Variants in KCNH1 observed in about 807,000 individuals in gnomAD.
KCNH1 encodes the protein potassium voltage-gated channel subfamily H member 1.
In KCNH1, 27 loss-of-function variants were observed where a neutral mutation model predicts 69.2. The observed-to-expected ratio is 0.39, with a 90% CI of 0.29 to 0.54. The LOEUF (loss-of-function observed/expected upper bound fraction) is 0.54, where lower values mean the gene tolerates loss of function less well. Among genes scored for constraint, KCNH1 ranks in the 20% least tolerant of loss-of-function variants. The probability of loss-of-function intolerance (pLI) is 0.68; values close to 1 mark genes in which losing one functional copy is unlikely to be tolerated. For missense variants in KCNH1, 798 were observed against 1,261.6 expected, an observed-to-expected ratio of 0.63 and a Z score of 5.57; for synonymous variants, 456 against 487.7, an observed-to-expected ratio of 0.93 and a Z score of 0.86.
Position 210,699,278 on chromosome 1 carries a change from T to C in KCNH1, c.2113-15140A>G, listed in dbSNP as rs543417474. Among the ~76,000 whole-genome samples the C allele has an allele frequency of 1.4e-3, 209 of 152,324 alleles. 2 individuals are homozygous for C. Among genetic ancestry groups the C allele is most frequent in the South Asian group, 3.9e-3 (19 of 4,822 alleles). Reference sequence around the variant, plus strand: ...TTTTGCCTTCCTTTTACTGAGAATGTGGCCCTCATGTGTCACTGATTCAAC... The same window carrying C: ...TTTTGCCTTCCTTTTACTGAGAATGCGGCCCTCATGTGTCACTGATTCAAC... On this transcript the variant is annotated intron_variant, in intron 10 of 10. Coordinates refer to ENST00000271751, the MANE Select transcript of KCNH1 (RefSeq NM_172362.3).
intron 10 of KCNH1, among the ~76,000 whole-genome samples, chr1:210,741,908 C>T (rs747252462): frequency 2.0e-5 from 3 of 152,114 alleles, no homozygotes; most frequent in Non-Finnish European, 4.4e-5. Context: ...GCAGAAGAGC[C>T]CCGCTAGATT....
chr1:210,891,091 G>T (rs535146138), intron 7 of KCNH1, among the ~76,000 whole-genome samples: 4 of 152,156 alleles, frequency 2.6e-5, no homozygotes, highest in Non-Finnish European at 5.9e-5. Flanking sequence ...ACACGCACAC[G>T]TATGTTTATT....
chr1:210,692,061 T>A (rs111348257), intron 10 of KCNH1, among the ~76,000 whole-genome samples: 1,732 of 152,312 alleles, frequency 0.011, 13 homozygotes, highest in South Asian at 0.035. Flanking sequence ...CCACTGGCTC[T>A]CAGCACACTG....
At chr1:211,037,358 G>A (rs1332112772) in intron 5 of KCNH1, among the ~76,000 whole-genome samples, 1 of 152,122 alleles carries the variant, frequency 6.6e-6, no homozygotes, top group Non-Finnish European at 1.5e-5. Flanking sequence ...CACATCTCAT[G>A]CAATGGGAAG....
At chr1:211,091,645 G>T (rs544889387) in intron 3 of KCNH1, among the ~76,000 whole-genome samples, 153 of 152,248 alleles carry the variant, frequency 1.0e-3, no homozygotes, top group African/African-American at 3.4e-3. Flanking sequence ...AGTGCCATAG[G>T]AAGCTCAGTG....
chr1:210,837,699 C>T (rs373616292), intron 7 of KCNH1, among the ~76,000 whole-genome samples: 1 of 152,128 alleles, frequency 6.6e-6, no homozygotes, highest in South Asian at 2.1e-4. Context: ...AGAACTCAAT[C>T]CTTCATCTAG....
At chr1:210,942,377 T>G (rs11119634) in intron 6 of KCNH1, among the ~76,000 whole-genome samples, 6,692 of 152,194 alleles carry the variant, frequency 0.044, 249 homozygotes, top group East Asian at 0.18. Context: ...CTCTCCGAGC[T>G]TCACATCTTC....
chr1:210,738,400 G>A (rs1682929546), intron 10 of KCNH1, among the ~76,000 whole-genome samples: 1 of 152,146 alleles, frequency 6.6e-6, no homozygotes, highest in South Asian at 2.1e-4. Context: ...AGAAAATGTA[G>A]CTAAAGCTGG....
chr1:211,129,109 A>G (rs751413618), intron 1 of KCNH1, among the ~76,000 whole-genome samples: 6 of 152,222 alleles, frequency 3.9e-5, no homozygotes, highest in Non-Finnish European at 7.3e-5. Context: ...AGATTCTGTG[A>G]TTCTATTTCT....
chr1:210,802,332 G>A (rs1302607165), intron 8 of KCNH1, among the ~76,000 whole-genome samples: 3 of 152,180 alleles, frequency 2.0e-5, no homozygotes, highest in Non-Finnish European at 2.9e-5. Context: ...ATAAGTAGCT[G>A]ATCCCAAAGC....
intron 10 of KCNH1, among the ~76,000 whole-genome samples, chr1:210,768,916 C>A (rs986415645): frequency 6.6e-6 from 1 of 152,154 alleles, no homozygotes; most frequent in Non-Finnish European, 1.5e-5. Flanking sequence ...ACTCACTGAT[C>A]CTCTTGAGGA....
intron 10 of KCNH1, among the ~76,000 whole-genome samples, chr1:210,696,309 G>A (rs935763779): frequency 6.6e-6 from 1 of 152,124 alleles, no homozygotes; most frequent in East Asian, 1.9e-4. Context: ...GCCCTTTTGC[G>A]CTCCCAGCAC....
At chr1:210,803,805 C>G (rs1684475952) in intron 8 of KCNH1, among the ~76,000 whole-genome samples, 162 bp downstream of exon 8, 1 of 152,160 alleles carries the variant, frequency 6.6e-6, no homozygotes, top group Non-Finnish European at 1.5e-5. Flanking sequence ...TAAGGCTGAT[C>G]TAGAAGCAAA....
intron 7 of KCNH1, among the ~76,000 whole-genome samples, chr1:210,916,333 A>C (rs942438533): frequency 2.0e-5 from 3 of 152,210 alleles, no homozygotes; most frequent in African/African-American, 7.2e-5. Context: ...TGTGTATCAC[A>C]TGGAAAGTGG....
rs530170028 is a variant in KCNH1 at position 210,939,655 on chromosome 1, T to C, written c.1033-19586A>G. Among the ~76,000 whole-genome samples, 3 of 152,320 alleles carry C rather than the reference T, an allele frequency of 2.0e-5. No homozygotes were observed. In the East Asian group the frequency reaches 5.8e-4, roughly 29 times the overall value. On this transcript the variant is annotated intron_variant, in intron 6 of 10. Transcript: ENST00000271751. ...ATTTTACATGCATTAACTCACTTAA[T>C]CATCATGACCTTTTGAGGTAAGGAT...
intron 1 of KCNH1, among the ~76,000 whole-genome samples, chr1:211,123,667 C>T (rs919827216): frequency 3.9e-5 from 6 of 151,918 alleles, no homozygotes; most frequent in South Asian, 4.2e-4. Context: ...GAGGAGAGAG[C>T]GAGGGAATGA....
intron 7 of KCNH1, among the ~76,000 whole-genome samples, chr1:210,915,108 C>T (rs1687308766): frequency 6.6e-6 from 1 of 152,154 alleles, no homozygotes; most frequent in Non-Finnish European, 1.5e-5. Context: ...GGAGACCTCC[C>T]AGATAAAAGG....
chr1:210,717,350 C>CTT (rs1234992353), intron 10 of KCNH1, among the ~76,000 whole-genome samples: 1 of 152,232 alleles, frequency 6.6e-6, no homozygotes, highest in Non-Finnish European at 1.5e-5. Context: ...TATGAATGCA[C>CTT]TTTAGTCCGC....
At chr1:210,974,558 A>C (rs1218454199) in intron 6 of KCNH1, among the ~76,000 whole-genome samples, 2 of 125,704 alleles carry the variant, frequency 1.6e-5, no homozygotes, top group Non-Finnish European at 3.2e-5. Context: ...GTGTTTCTTC[A>C]TCCTTTTTTT....
Sources: gnomAD v4.1 joint callset for allele counts (sites outside exome capture counted in the v4.1 genomes callset) on GRCh38, gnomAD v4.1.1 for gene constraint, MANE v1.5 for transcripts, NCBI Gene and HGNC (gene_info 2026-07-23, HGNC 2026-07-21) for gene names.